GALNT13: variants seen among roughly 807,000 people sequenced by gnomAD.
The protein encoded by GALNT13 is polypeptide N-acetylgalactosaminyltransferase 13.
Under a neutral mutation model 64.2 loss-of-function variants are expected in GALNT13, and 28 were observed. The observed-to-expected ratio is 0.44, with a 90% CI of 0.32 to 0.60. GALNT13 has a LOEUF of 0.60. Among genes scored for constraint, GALNT13 ranks in the 20% least tolerant of loss-of-function variants. The probability of loss-of-function intolerance (pLI) is 0.05; values close to 1 mark genes in which losing one functional copy is unlikely to be tolerated. For synonymous variants in GALNT13, 214 were observed against 224.6 expected, an observed-to-expected ratio of 0.95 and a Z score of 0.42; for missense variants, 577 against 669.8, an observed-to-expected ratio of 0.86 and a Z score of 1.53.
chr2:153,636,649 A>C, the GALNT13 span, among the ~76,000 whole-genome samples: 1 of 152,236 alleles, frequency 6.6e-6, no homozygotes, highest in Admixed American at 6.5e-5. Context: ...TCAATCATCA[A>C]AATAGTGCTG....
chr2:153,489,980 TACAC>T, the GALNT13 span, among the ~76,000 whole-genome samples: 6,342 of 147,904 alleles, frequency 0.043, 454 homozygotes, highest in African/African-American at 0.15. Context: ...GGCCCTGTTT[TACAC>T]ACACACACAC....
chr2:154,024,046 G>T (rs1306898528), intron 3 of GALNT13, among the ~76,000 whole-genome samples: 1 of 152,204 alleles, frequency 6.6e-6, no homozygotes, highest in Non-Finnish European at 1.5e-5. Context: ...GGCTTGTAGA[G>T]TTTCTGCCGA....
intron 2 of GALNT13, among the ~76,000 whole-genome samples, chr2:153,939,068 C>T (rs1691153882): frequency 6.6e-6 from 1 of 152,054 alleles, no homozygotes; most frequent in African/African-American, 2.4e-5. Context: ...AAAAAAACCC[C>T]ACAATTTTTC....
At chr2:153,896,498 A>T (rs962514989) in intron 1 of GALNT13, among the ~76,000 whole-genome samples, 1 of 151,986 alleles carries the variant, frequency 6.6e-6, no homozygotes, top group African/African-American at 2.4e-5. Context: ...TATGTAAGCT[A>T]TCACTCTGGA....
At chr2:153,967,073 TA>T (rs1456448765) in intron 3 of GALNT13, among the ~76,000 whole-genome samples, 2 of 152,132 alleles carry the variant, frequency 1.3e-5, no homozygotes, top group African/African-American at 4.8e-5. Flanking sequence ...TTGCTTGATT[TA>T]AAAAAATTAT....
chr2:153,714,973 A>G, the GALNT13 span, among the ~76,000 whole-genome samples: 3 of 152,200 alleles, frequency 2.0e-5, no homozygotes, highest in African/African-American at 7.2e-5. Context: ...AAATTTTACA[A>G]TCTTTTTCTT....
chr2:153,960,741 G>A (rs1232334305), intron 3 of GALNT13, among the ~76,000 whole-genome samples: 1 of 152,074 alleles, frequency 6.6e-6, no homozygotes, highest in African/African-American at 2.4e-5. Context: ...AGTCTGGTCC[G>A]GTGTCCGAGG....
chr2:153,116,573 T>C, the GALNT13 span, among the ~76,000 whole-genome samples: 1 of 152,158 alleles, frequency 6.6e-6, no homozygotes, highest in Admixed American at 6.5e-5. Flanking sequence ...TGTGTCACAG[T>C]TGGCTGCAAA....
chr2:153,760,101 A>G, the GALNT13 span, among the ~76,000 whole-genome samples: 4 of 151,908 alleles, frequency 2.6e-5, no homozygotes, highest in African/African-American at 9.7e-5. Context: ...ATCTCTTATG[A>G]TTCTTATATA....
At chr2:153,377,441 G>A in the GALNT13 span, among the ~76,000 whole-genome samples, 1 of 151,980 alleles carries the variant, frequency 6.6e-6, no homozygotes, top group Non-Finnish European at 1.5e-5. Context: ...TCATGAGGGT[G>A]GATCTCTTAT....
At chr2:154,383,083 A>C (rs543382987) in intron 9 of GALNT13, among the ~76,000 whole-genome samples, 1 of 152,060 alleles carries the variant, frequency 6.6e-6, no homozygotes, top group South Asian at 2.1e-4. Flanking sequence ...GCTCATTGAA[A>C]AGACATCTGA....
At chr2:153,244,609 C>T in the GALNT13 span, among the ~76,000 whole-genome samples, 28 of 152,330 alleles carry the variant, frequency 1.8e-4, no homozygotes, top group South Asian at 1.2e-3. Context: ...CCAGATGCTA[C>T]GCTTTTCCCA....
chr2:153,868,946 T>C (rs1685807090), upstream of GALNT13, among the ~76,000 whole-genome samples: 1 of 152,244 alleles, frequency 6.6e-6, no homozygotes, highest in Non-Finnish European at 1.5e-5. Context: ...ATTATTCTTA[T>C]GAGGTAAATA....
intron 8 of GALNT13, among the ~76,000 whole-genome samples, chr2:154,267,153 A>G (rs182035173): frequency 3.7e-4 from 55 of 150,668 alleles, no homozygotes; most frequent in African/African-American, 9.4e-4. Context: ...GTGGGGGGGA[A>G]AAACAACTCC....
At chr2:154,262,329 A>G (rs959678475) in intron 8 of GALNT13, among the ~76,000 whole-genome samples, 5 of 152,196 alleles carry the variant, frequency 3.3e-5, no homozygotes, top group Non-Finnish European at 5.9e-5. Context: ...TGATGGTATT[A>G]TTAGGAGAAA....
the GALNT13 span, among the ~76,000 whole-genome samples, chr2:153,509,989 A>G: frequency 6.6e-6 from 1 of 152,120 alleles, no homozygotes; most frequent in Non-Finnish European, 1.5e-5. Context: ...ATGTTGTTTG[A>G]TTGCACTTAT....
chr2:154,036,555 A>G (rs996772048), intron 3 of GALNT13, among the ~76,000 whole-genome samples: 2 of 152,144 alleles, frequency 1.3e-5, no homozygotes, highest in African/African-American at 4.8e-5. Context: ...CTATATTCTT[A>G]TTGACCTGTA....
chr2:153,150,256 C>T, the GALNT13 span, among the ~76,000 whole-genome samples: 1 of 151,698 alleles, frequency 6.6e-6, no homozygotes, highest in African/African-American at 2.4e-5. Flanking sequence ...TTAAAATGCA[C>T]CTATAAATGT....
chr2:154,177,345 G>A (rs539660054), intron 4 of GALNT13, among the ~76,000 whole-genome samples: 2 of 150,430 alleles, frequency 1.3e-5, no homozygotes, highest in East Asian at 3.9e-4. Flanking sequence ...TCAACTATAT[G>A]ACATTGTGGA....
Sources: gnomAD v4.1 joint callset for allele counts (sites outside exome capture counted in the v4.1 genomes callset) on GRCh38, gnomAD v4.1.1 for gene constraint, MANE v1.5 for transcripts, NCBI Gene and HGNC (gene_info 2026-07-23, HGNC 2026-07-21) for gene names.